Variants in COL8A1 observed in about 807,000 individuals in gnomAD.
COL8A1 encodes collagen type VIII alpha 1 chain.
Under a neutral mutation model 42.7 loss-of-function variants are expected in COL8A1, and 21 were observed. The observed-to-expected ratio is 0.49, with a 90% CI of 0.35 to 0.71. The LOEUF is 0.71. Ranked by LOEUF, COL8A1 falls within the 30% of genes least tolerant of loss-of-function variation. The pLI is 0.01. For missense variants in COL8A1, 788 were observed against 962.4 expected, an observed-to-expected ratio of 0.82 and a Z score of 2.40; for synonymous variants, 367 against 369.1, an observed-to-expected ratio of 0.99 and a Z score of 0.06.
At chr3:99,700,303 GA>G (rs75656389) in intron 1 of COL8A1, among the ~76,000 whole-genome samples, 9,158 of 141,486 alleles carry the variant, frequency 0.065, 358 homozygotes, top group Middle Eastern at 0.089. Context: ...TTTTTTAGAA[GA>G]AAAAAAAAAA....
rs1328353889 is a variant in COL8A1 at position 99,734,469 on chromosome 3, G to A, written c.-128-10428G>A. On this transcript the variant is annotated intron_variant, in intron 1 of 3. Coordinates refer to ENST00000652472, the MANE Select transcript of COL8A1 (RefSeq NM_020351.4). ...AAGATCAGATAGTTGTAGATATGTGGTATTATTTCTGAGGGCTCTGTTCTC... is the reference window on the plus strand; with the variant it reads ...AAGATCAGATAGTTGTAGATATGTGATATTATTTCTGAGGGCTCTGTTCTC... 4.0e-5 allele frequency among the ~76,000 whole-genome samples: 6 copies of A among 150,702 alleles called. No homozygotes were observed. The South Asian group carries it at 1.3e-3, about 32-fold the overall frequency.
intron 1 of COL8A1, among the ~76,000 whole-genome samples, chr3:99,647,018 T>C (rs1378744574): frequency 6.6e-6 from 1 of 152,214 alleles, no homozygotes; most frequent in Non-Finnish European, 1.5e-5. Flanking sequence ...CTGGGATTCA[T>C]CAGTGTTTAT....
chr3:99,705,940 A>G (rs185181617), intron 1 of COL8A1, among the ~76,000 whole-genome samples: 6 of 152,326 alleles, frequency 3.9e-5, no homozygotes. Context: ...TTTTCTTAGC[A>G]TACATTACAT....
At chr3:99,787,748 C>G (rs1278604155) in intron 2 of COL8A1, among the ~76,000 whole-genome samples, 1 of 152,126 alleles carries the variant, frequency 6.6e-6, no homozygotes, top group East Asian at 1.9e-4. Flanking sequence ...CTTTTGACTT[C>G]TTTGACAGTG....
rs561029182 is a variant in COL8A1, at chr3:99,748,609, C to T, written c.-4+3588C>T. Among the ~76,000 whole-genome samples, 49 of 152,198 alleles carry T rather than the reference C, an allele frequency of 3.2e-4. No homozygotes were observed. In the South Asian group the frequency reaches 9.1e-3, roughly 28 times the overall value. ...ATATTTGACTCACATTGTCCCTATG[C>T]GACAGCACTGACCAGAGGATTCCAC... On this transcript the variant is annotated intron_variant, in intron 2 of 3. Coordinates refer to ENST00000652472, the MANE Select transcript of COL8A1 (RefSeq NM_020351.4).
intron 2 of COL8A1, among the ~76,000 whole-genome samples, chr3:99,780,221 TATC>T (rs1379209809): frequency 6.6e-6 from 1 of 152,206 alleles, no homozygotes; most frequent in African/African-American, 2.4e-5. Context: ...CAGATAATGT[TATC>T]ATCAGCAGCA....
chr3:99,661,545 C>T (rs6774706), intron 1 of COL8A1, among the ~76,000 whole-genome samples: 14,464 of 152,042 alleles, frequency 0.095, 846 homozygotes, highest in Middle Eastern at 0.12. Context: ...ACAGCTGCTA[C>T]GAAAGACATT....
At chr3:99,685,714 TA>T (rs1430731720) in intron 1 of COL8A1, among the ~76,000 whole-genome samples, 5 of 152,332 alleles carry the variant, frequency 3.3e-5, no homozygotes, top group South Asian at 4.1e-4. Flanking sequence ...ACTAAAAGCC[TA>T]TGGCCAAATC....
intron 1 of COL8A1, among the ~76,000 whole-genome samples, chr3:99,653,626 A>G (rs909140749): frequency 2.6e-5 from 4 of 151,434 alleles, no homozygotes; most frequent in Non-Finnish European, 5.9e-5. Flanking sequence ...CATCACCAGG[A>G]AAAATGTGGC....
chr3:99,778,019 T>C (rs904202637), intron 2 of COL8A1, among the ~76,000 whole-genome samples: 2 of 152,164 alleles, frequency 1.3e-5, no homozygotes, highest in Non-Finnish European at 2.9e-5. Context: ...CAGAAATTCA[T>C]GGCAAGGATG....
intron 2 of COL8A1, among the ~76,000 whole-genome samples, chr3:99,761,701 C>T (rs1454941129): frequency 1.3e-5 from 2 of 151,984 alleles, no homozygotes; most frequent in African/African-American, 4.8e-5. Flanking sequence ...TTCCCTCTCT[C>T]CAATACTCTC....
intron 1 of COL8A1, among the ~76,000 whole-genome samples, chr3:99,733,057 C>T (rs189002132): frequency 2.7e-4 from 41 of 151,908 alleles, no homozygotes; most frequent in African/African-American, 9.4e-4. Flanking sequence ...TCAGCTCCCA[C>T]GGCCTTGGGC....
chr3:99,702,771 A>G (rs1382920079), intron 1 of COL8A1, among the ~76,000 whole-genome samples: 2 of 152,246 alleles, frequency 1.3e-5, no homozygotes, highest in African/African-American at 4.8e-5. Context: ...AGAGTTAGCA[A>G]GCAAGCAAGT....
intron 1 of COL8A1, among the ~76,000 whole-genome samples, chr3:99,732,420 T>C (rs1403625350): frequency 1.3e-5 from 2 of 152,056 alleles, no homozygotes; most frequent in Non-Finnish European, 2.9e-5. Context: ...ACTACAATCA[T>C]GGTGAAACGG....
intron 2 of COL8A1, among the ~76,000 whole-genome samples, chr3:99,773,821 A>ATATATATATATATATATATAT (rs1941632121): frequency 1.7e-5 from 1 of 60,134 alleles, no homozygotes; most frequent in East Asian, 4.3e-4. Context: ...GTGTGTATAT[A>ATATATATATATATATATATAT]TATATATATA....
chr3:99,794,852 G>A lies in COL8A1; in HGVS notation c.951G>A (p.Lys317=). The A allele has an allele frequency of 6.2e-7, 1 of 1,612,440 alleles. No individual in the cohort carries two copies. Residue 317 remains lysine, a synonymous_variant, in exon 4 of 4, where the codon AAG becomes AAA. Transcript: ENST00000652472. This position sits in a 1 kb window ranked among gnomAD's most constrained non-coding sequence, Gnocchi z 4.3. ...CTCCTGGGATACCCGGAATTGGAAA[G>A]CCAGGCCAGGATGGGATCCCAGGCC... The part of the protein sequence containing the change: ...QGPPGIPGIG[K]PGQDGIPGQP...
intron 1 of COL8A1, among the ~76,000 whole-genome samples, chr3:99,692,163 C>A (rs1031885033): frequency 1.4e-4 from 22 of 152,254 alleles, no homozygotes; most frequent in Admixed American, 3.3e-4. Flanking sequence ...ACCACCACCA[C>A]CACCAAGTGT....
intron 1 of COL8A1, among the ~76,000 whole-genome samples, chr3:99,724,578 A>T (rs901266869): frequency 2.0e-5 from 3 of 152,038 alleles, no homozygotes; most frequent in Non-Finnish European, 4.4e-5. Context: ...ACAAAGATTA[A>T]TATTTCTTCT....
chr3:99,734,370 C>T (rs1940629836), intron 1 of COL8A1, among the ~76,000 whole-genome samples: 2 of 143,550 alleles, frequency 1.4e-5, no homozygotes, highest in African/African-American at 5.5e-5. Context: ...CTACATATGG[C>T]TAGCCAGTTT....
Sources: allele counts gnomAD v4.1 joint callset (sites outside exome capture counted in the v4.1 genomes callset), GRCh38; gene constraint gnomAD v4.1.1; non-coding constraint Gnocchi (gnomAD v3.1); transcripts MANE v1.5; gene names NCBI Gene and HGNC (gene_info 2026-07-23, HGNC 2026-07-21).